The following LUZP2 variants were observed in gnomAD, a reference collection of about 807,000 sequenced individuals.
LUZP2 encodes leucine zipper protein 2.
Under a neutral mutation model 51.6 loss-of-function variants are expected in LUZP2, and 52 were observed. The observed-to-expected ratio is 1.01, with a 90% CI of 0.81 to 1.27. The LOEUF (loss-of-function observed/expected upper bound fraction) is 1.27. Among genes scored for constraint, LUZP2 ranks in the 50% most tolerant of loss-of-function variants. LUZP2 has a pLI of 0.00. For missense variants in LUZP2, 436 were observed against 395.4 expected (o/e 1.10, Z -0.87); for synonymous variants, 154 against 137.3 (o/e 1.12, Z -0.85).
chr11:25,027,665 G>T (rs2404016), intron 9 of LUZP2, among the ~76,000 whole-genome samples: 87,660 of 151,378 alleles, frequency 0.58, 26,462 homozygotes, highest in African/African-American at 0.75. Context: ...AAGTCAGGAG[G>T]TCAAGATCAG....
intron 5 of LUZP2, among the ~76,000 whole-genome samples, chr11:24,856,338 C>G (rs1378239348): frequency 6.6e-6 from 1 of 151,954 alleles, no homozygotes; most frequent in African/African-American, 2.4e-5. Context: ...AAAAAATGTT[C>G]AACATCACTA....
intron 7 of LUZP2, among the ~76,000 whole-genome samples, chr11:24,941,279 TTAG>T (rs1319452312): frequency 1.3e-5 from 2 of 152,182 alleles, no homozygotes; most frequent in Non-Finnish European, 2.9e-5. Flanking sequence ...TTCCAAAATA[TTAG>T]TAGAGTTTTG....
chr11:24,831,364 A>G (rs183408734), intron 5 of LUZP2, among the ~76,000 whole-genome samples: 1 of 152,328 alleles, frequency 6.6e-6, no homozygotes, highest in East Asian at 1.9e-4. Flanking sequence ...GTATGTAGTC[A>G]CTTCTGTAGG....
chr11:24,671,785 A>C (rs1484839101), intron 1 of LUZP2, among the ~76,000 whole-genome samples: 1 of 152,138 alleles, frequency 6.6e-6, no homozygotes, highest in Admixed American at 6.5e-5. Flanking sequence ...AAATCTTCCA[A>C]AACAGTATGG....
intron 5 of LUZP2, among the ~76,000 whole-genome samples, chr11:24,850,440 G>A (rs761137320): frequency 6.6e-6 from 1 of 152,024 alleles, no homozygotes; most frequent in African/African-American, 2.4e-5. Context: ...TTGTAGATTT[G>A]TGTTATTTCT....
At chr11:24,857,345 T>C (rs1565000803) in intron 5 of LUZP2, among the ~76,000 whole-genome samples, 1 of 149,130 alleles carries the variant, frequency 6.7e-6, no homozygotes, top group Non-Finnish European at 1.5e-5. Context: ...ATATATAATA[T>C]ATATGTTTTT....
chr11:24,785,048 A>G (rs975620761), intron 5 of LUZP2, among the ~76,000 whole-genome samples: 4 of 151,952 alleles, frequency 2.6e-5, no homozygotes, highest in African/African-American at 9.7e-5. Context: ...ATTTCTGTGG[A>G]TCCATACCTC....
chr11:24,582,906 G>A (rs972130187), intron 1 of LUZP2, among the ~76,000 whole-genome samples: 6 of 152,092 alleles, frequency 3.9e-5, no homozygotes, highest in Non-Finnish European at 8.8e-5. Flanking sequence ...CACAACTAGG[G>A]TAGATACTCC....
At chr11:24,624,881 G>T (rs77511218) in intron 1 of LUZP2, among the ~76,000 whole-genome samples, 1,626 of 152,170 alleles carry the variant, frequency 0.011, 24 homozygotes, top group African/African-American at 0.037. Flanking sequence ...TATTTGAGAA[G>T]TAAAATTGAT....
intron 4 of LUZP2, among the ~76,000 whole-genome samples, chr11:24,760,270 C>T (rs979585441): frequency 1.3e-5 from 2 of 152,090 alleles, no homozygotes; most frequent in Admixed American, 1.3e-4. Context: ...AATAGATTAT[C>T]TTAAGGTCTC....
At chr11:24,685,693 A>G (rs1361821803) in intron 1 of LUZP2, among the ~76,000 whole-genome samples, 1 of 152,164 alleles carries the variant, frequency 6.6e-6, no homozygotes, top group Non-Finnish European at 1.5e-5. Context: ...ATCATGATAA[A>G]TGACTTCTTG....
At chr11:25,024,832 C>T (rs535514533) in intron 9 of LUZP2, among the ~76,000 whole-genome samples, 1 of 146,738 alleles carries the variant, frequency 6.8e-6, no homozygotes, top group South Asian at 2.2e-4. Context: ...GAGCCCGCAT[C>T]ACCAAGTCAA....
At chr11:24,610,666 C>A (rs568682673) in intron 1 of LUZP2, among the ~76,000 whole-genome samples, 1 of 152,316 alleles carries the variant, frequency 6.6e-6, no homozygotes, top group South Asian at 2.1e-4. Flanking sequence ...AATTCACGGG[C>A]ATGCCACGGT....
chr11:24,858,061 GGT>G (rs987281602), intron 5 of LUZP2, among the ~76,000 whole-genome samples: 2 of 151,810 alleles, frequency 1.3e-5, no homozygotes, highest in Non-Finnish European at 2.9e-5. Context: ...CACTTACTAG[GGT>G]GTCTTTGGCA....
At chr11:24,756,298 A>G (rs1342389629) in intron 4 of LUZP2, among the ~76,000 whole-genome samples, 2 of 152,196 alleles carry the variant, frequency 1.3e-5, no homozygotes, top group South Asian at 2.1e-4. Flanking sequence ...CCTTACACAC[A>G]TGTTCTCAGG....
chr11:24,952,038 G>A (rs1397431773), intron 7 of LUZP2, among the ~76,000 whole-genome samples: 1 of 151,516 alleles, frequency 6.6e-6, no homozygotes, highest in Non-Finnish European at 1.5e-5. Context: ...TCATTATTTT[G>A]CTAACAATTC....
chr11:24,865,363 GT>G (rs1237598849), intron 5 of LUZP2, among the ~76,000 whole-genome samples: 7 of 152,170 alleles, frequency 4.6e-5, no homozygotes, highest in Admixed American at 6.5e-5. Flanking sequence ...CTAAATATTT[GT>G]TGAGAAGTTC....
chr11:24,937,702 C>G (rs937488943), intron 7 of LUZP2, among the ~76,000 whole-genome samples: 2 of 151,840 alleles, frequency 1.3e-5, no homozygotes, highest in African/African-American at 4.8e-5. Flanking sequence ...GAGATCAAGA[C>G]CATCCTGGCT....
intron 10 of LUZP2, among the ~76,000 whole-genome samples, chr11:25,074,699 A>C (rs561630914): frequency 6.6e-6 from 1 of 152,304 alleles, no homozygotes; most frequent in South Asian, 2.1e-4. Context: ...TGCATTATGA[A>C]GTGAATATCA....
Sources: allele counts gnomAD v4.1 joint callset (sites outside exome capture counted in the v4.1 genomes callset), GRCh38; gene constraint gnomAD v4.1.1; transcripts MANE v1.5; gene names NCBI Gene and HGNC (gene_info 2026-07-23, HGNC 2026-07-21).